The following IQCM variants were observed in gnomAD, a reference collection of about 807,000 sequenced individuals.
IQCM encodes IQ domain-containing protein M.
IQCM carries 45 observed loss-of-function variants against 57.6 expected under a neutral mutation model. The observed-to-expected ratio is 0.78, with a 90% CI of 0.62 to 1.00. IQCM has a LOEUF of 1.00. IQCM is among the 50% of genes least tolerant of loss of function. The pLI is 0.00. For synonymous variants in IQCM, 148 were observed against 158.9 expected (o/e 0.93, Z 0.51); for missense variants, 468 against 511.6 (o/e 0.91, Z 0.82).
chr4:149,603,143 A>G (rs1232608495), intron 8 of IQCM, among the ~76,000 whole-genome samples: 1 of 152,132 alleles, frequency 6.6e-6, no homozygotes, highest in Non-Finnish European at 1.5e-5. Flanking sequence ...TCTATATAGA[A>G]AGGTTAATTT....
chr4:149,678,586 G>A (rs1387687416), intron 7 of IQCM, among the ~76,000 whole-genome samples: 2 of 151,338 alleles, frequency 1.3e-5, no homozygotes, highest in African/African-American at 2.4e-5. Flanking sequence ...AAAAATGGAA[G>A]TTATAAAACC....
chr4:149,644,611 G>C (rs879603877), intron 7 of IQCM, among the ~76,000 whole-genome samples: 1 of 152,086 alleles, frequency 6.6e-6, no homozygotes, highest in African/African-American at 2.4e-5. Flanking sequence ...ACCAGTTTGA[G>C]GTTATTACAG....
At chr4:149,508,156 G>A (rs1435066005) in intron 12 of IQCM, among the ~76,000 whole-genome samples, 4 of 151,980 alleles carry the variant, frequency 2.6e-5, no homozygotes, top group Non-Finnish European at 5.9e-5. Context: ...TTGCTGCAGG[G>A]GTGGGGCCCT....
intron 2 of IQCM, among the ~76,000 whole-genome samples, chr4:149,795,717 C>T (rs1773052976): frequency 6.6e-6 from 1 of 152,130 alleles, no homozygotes; most frequent in African/African-American, 2.4e-5. Context: ...CTTTGTCTTG[C>T]ATCTTGGATA....
intron 12 of IQCM, among the ~76,000 whole-genome samples, chr4:149,485,858 T>C (rs1279037657): frequency 2.0e-5 from 3 of 152,154 alleles, no homozygotes; most frequent in Non-Finnish European, 4.4e-5. Context: ...GCTTTCCAGG[T>C]ATTCAAAGAG....
chr4:149,764,493 C>T (rs577045107), intron 2 of IQCM, among the ~76,000 whole-genome samples: 84 of 152,230 alleles, frequency 5.5e-4, no homozygotes, highest in African/African-American at 1.8e-3. Context: ...GTCTGCCTCC[C>T]GCCTCCCAGG....
intron 2 of IQCM, among the ~76,000 whole-genome samples, chr4:149,760,082 G>A (rs1769361154): frequency 6.6e-6 from 1 of 152,032 alleles, no homozygotes; most frequent in Non-Finnish European, 1.5e-5. Flanking sequence ...TGGCAAGGCT[G>A]AAGATGATGG....
At chr4:149,714,541 G>A (rs987793703) in intron 5 of IQCM, among the ~76,000 whole-genome samples, 6 of 152,074 alleles carry the variant, frequency 3.9e-5, no homozygotes, top group African/African-American at 1.4e-4. Context: ...CCTTATCTGA[G>A]GGTGGATACA....
intron 12 of IQCM, among the ~76,000 whole-genome samples, chr4:149,452,357 T>C (rs1272264746): frequency 1.3e-5 from 2 of 150,522 alleles, no homozygotes; most frequent in Non-Finnish European, 3.0e-5. Flanking sequence ...AAAATATATA[T>C]GAAAATATGA....
chr4:149,381,460 C>T (rs1189027968), intron 13 of IQCM, among the ~76,000 whole-genome samples: 1 of 152,108 alleles, frequency 6.6e-6, no homozygotes, highest in Non-Finnish European at 1.5e-5. Flanking sequence ...TATTCACCTC[C>T]TCATTGACTT....
chr4:149,449,263 CT>C (rs1257263700), intron 12 of IQCM, among the ~76,000 whole-genome samples: 1 of 144,896 alleles, frequency 6.9e-6, no homozygotes, highest in Non-Finnish European at 1.5e-5. Flanking sequence ...AGCAAAACAC[CT>C]TCATAAAAAG....
intron 2 of IQCM, among the ~76,000 whole-genome samples, chr4:149,744,475 T>G (rs979826544): frequency 6.6e-6 from 1 of 152,160 alleles, no homozygotes; most frequent in African/African-American, 2.4e-5. Context: ...CTTAATTCAG[T>G]GTGCCAGGAG....
intron 13 of IQCM, among the ~76,000 whole-genome samples, chr4:149,364,814 T>C (rs1729723713): frequency 6.6e-6 from 1 of 152,144 alleles, no homozygotes; most frequent in African/African-American, 2.4e-5. Context: ...TGAAACTCCA[T>C]ACACTGTGCA....
chr4:149,441,740 T>G (rs1194951720), intron 12 of IQCM, among the ~76,000 whole-genome samples: 2 of 152,150 alleles, frequency 1.3e-5, no homozygotes, highest in African/African-American at 4.8e-5. Context: ...GACAAGAGAC[T>G]TCTCCACAAA....
intron 8 of IQCM, among the ~76,000 whole-genome samples, chr4:149,590,247 C>CTTTTTTTTTTTTT (rs71596214): frequency 6.7e-4 from 49 of 73,610 alleles, no homozygotes; most frequent in East Asian, 8.6e-4. Context: ...TTTTTCTTTC[C>CTTTTTTTTTTTTT]TTTTTTTTTT....
At chr4:149,472,545 C>A (rs1313632054) in intron 12 of IQCM, among the ~76,000 whole-genome samples, 1 of 152,118 alleles carries the variant, frequency 6.6e-6, no homozygotes, top group Non-Finnish European at 1.5e-5. Context: ...GGCCATACTG[C>A]CCAAGGTAAT....
chr4:149,813,128 A>G (rs979036270), intron 2 of IQCM, among the ~76,000 whole-genome samples: 4 of 152,156 alleles, frequency 2.6e-5, no homozygotes, highest in Non-Finnish European at 4.4e-5. Flanking sequence ...TAGTCCTGGC[A>G]TCCCCCAAAC....
rs192775594 is a variant in IQCM at position 149,547,252 on chromosome 4, C to T, written c.1228+1203G>A. On this transcript the variant is annotated intron_variant, in intron 12 of 13. Transcript: ENST00000636793. ...TGTAGCATAGTTTGAAGTCAGGTAG[C>T]ATGATGCCTCCAGCTTTGTTAAAAA... 1.6e-3 allele frequency among the ~76,000 whole-genome samples: 238 copies of T among 152,210 alleles called. 1 individual carries two copies. Among genetic ancestry groups the T allele is most frequent in the African/African-American group, 5.6e-3 (231 of 41,532 alleles).
chr4:149,706,618 C>G (rs1400190930), intron 5 of IQCM, among the ~76,000 whole-genome samples: 1 of 151,912 alleles, frequency 6.6e-6, no homozygotes, highest in East Asian at 1.9e-4. Context: ...AACAGAAGTC[C>G]TATTGTTACT....
Sources: allele counts gnomAD v4.1 joint callset (sites outside exome capture counted in the v4.1 genomes callset), GRCh38; gene constraint gnomAD v4.1.1; transcripts MANE v1.5; gene names NCBI Gene and HGNC (gene_info 2026-07-23, HGNC 2026-07-21).